Variants in STAG1 observed in about 807,000 individuals in gnomAD.
STAG1 encodes the protein STAG1 cohesin complex component.
STAG1 carries 26 observed loss-of-function variants against 170.9 expected under a neutral mutation model. That is an observed-to-expected ratio of 0.15 (90% CI 0.11 to 0.21). The LOEUF is 0.21. Ranked by LOEUF, STAG1 falls within the 10% of genes least tolerant of loss-of-function variation. The pLI is 1.00. For missense variants in STAG1, 964 were observed against 1,509.5 expected (o/e 0.64, Z 5.99); for synonymous variants, 514 against 497.7 (o/e 1.03, Z -0.44).
chr3:136,744,251 G>C (rs1240435674), intron 1 of STAG1, among the ~76,000 whole-genome samples: 2 of 152,098 alleles, frequency 1.3e-5, no homozygotes, highest in Non-Finnish European at 2.9e-5. Flanking sequence ...TGCTTGAACT[G>C]GGGAAGCAGA....
intron 5 of STAG1, among the ~76,000 whole-genome samples, chr3:136,563,729 T>C (rs1255840878): frequency 1.3e-5 from 2 of 151,244 alleles, no homozygotes; most frequent in African/African-American, 4.9e-5. Flanking sequence ...TAAAAACATA[T>C]CCAGAGAAAG....
At chr3:136,527,169 A>G (rs971588558) in intron 6 of STAG1, among the ~76,000 whole-genome samples, 2 of 152,154 alleles carry the variant, frequency 1.3e-5, no homozygotes, top group African/African-American at 2.4e-5. Flanking sequence ...GTTCTCCTGG[A>G]TAATATCCTG....
chr3:136,608,337 T>C (rs1229948353), intron 3 of STAG1, among the ~76,000 whole-genome samples: 1 of 147,672 alleles, frequency 6.8e-6, no homozygotes, highest in East Asian at 2.0e-4. Flanking sequence ...ATCCCAGGAG[T>C]TCCAGACCAG....
intron 21 of STAG1, among the ~76,000 whole-genome samples, chr3:136,414,457 C>A (rs979242386): frequency 6.6e-6 from 1 of 152,202 alleles, no homozygotes; most frequent in Non-Finnish European, 1.5e-5. Context: ...GAGATAGCAG[C>A]AACTCAGGCA....
intron 5 of STAG1, among the ~76,000 whole-genome samples, chr3:136,560,472 T>C (rs1413101114): frequency 6.6e-6 from 1 of 152,254 alleles, no homozygotes; most frequent in Admixed American, 6.5e-5. Flanking sequence ...TCTGTGTTCT[T>C]AGTTCTCTCA....
chr3:136,750,885 CA>C (rs1935192033), intron 1 of STAG1, among the ~76,000 whole-genome samples: 1 of 152,178 alleles, frequency 6.6e-6, no homozygotes, highest in African/African-American at 2.4e-5. Flanking sequence ...GTTACATTAC[CA>C]TACAATAAAC....
At chr3:136,389,315 TTTAA>T (rs1326287782) in intron 22 of STAG1, among the ~76,000 whole-genome samples, 3 of 152,148 alleles carry the variant, frequency 2.0e-5, no homozygotes, top group African/African-American at 7.2e-5. Context: ...TATTTGCTTA[TTTAA>T]TTTTTTTTGA....
intron 9 of STAG1, among the ~76,000 whole-genome samples, chr3:136,485,521 CATGCGTGGGACAA>C (rs1384042807): frequency 1.3e-5 from 2 of 152,114 alleles, no homozygotes; most frequent in African/African-American, 2.4e-5. Flanking sequence ...TAATACTGAA[CATGCGTGGGACAA>C]GAATATTTCT....
intron 3 of STAG1, among the ~76,000 whole-genome samples, chr3:136,605,236 C>T (rs993504303): frequency 6.6e-6 from 1 of 152,128 alleles, no homozygotes; most frequent in Non-Finnish European, 1.5e-5. Flanking sequence ...AACATTCTTG[C>T]CCTGATGGAG....
Position 136,367,019 on chromosome 3 carries a change from G to A in STAG1, c.2609C>T (p.Ala870Val). 6.2e-7 allele frequency: 1 copy of A among 1,610,878 alleles called. No individual in the cohort carries two copies. The highest frequency in any genetic ancestry group is 8.5e-7 in the Non-Finnish European group (1 of 1,177,764). Reference protein sequence around the residue: ...EALHKRRNLLAAFSKLIIYDI... With the variant: ...EALHKRRNLLVAFSKLIIYDI... ...ATAAATGATAAGTTTGCTGAAAGCAGCAAGTAGATTCCTTCTTTTATGTAA... is the reference window on the plus strand; with the variant it reads ...ATAAATGATAAGTTTGCTGAAAGCAACAAGTAGATTCCTTCTTTTATGTAA... The change falls in exon 25 of 34, where the codon GCT (alanine) becomes GTT (valine). Residue 870 changes from alanine to valine, a missense_variant. Coordinates refer to ENST00000383202, the MANE Select transcript of STAG1 (RefSeq NM_005862.3).
intron 1 of STAG1, among the ~76,000 whole-genome samples, chr3:136,706,428 T>C (rs746071556): frequency 2.6e-5 from 4 of 152,166 alleles, no homozygotes; most frequent in Non-Finnish European, 5.9e-5. Flanking sequence ...ATCAGTTGTG[T>C]TCCTACACAT....
intron 1 of STAG1, among the ~76,000 whole-genome samples, chr3:136,711,633 G>C (rs564105744): frequency 6.6e-6 from 1 of 152,122 alleles, no homozygotes; most frequent in South Asian, 2.1e-4. Context: ...AAATGAGGCA[G>C]TGATATTGGT....
chr3:136,417,136 CT>C (rs1316607940), intron 21 of STAG1, among the ~76,000 whole-genome samples: 8 of 152,142 alleles, frequency 5.3e-5, no homozygotes, highest in Admixed American at 5.2e-4. Context: ...GCGTGAACCA[CT>C]GTGCCCAGCC....
chr3:136,555,281 G>A (rs1936564356), intron 5 of STAG1, among the ~76,000 whole-genome samples: 1 of 151,814 alleles, frequency 6.6e-6, no homozygotes, highest in African/African-American at 2.4e-5. Context: ...GGAGGCTGAG[G>A]CAGGAGAATC....
intron 3 of STAG1, among the ~76,000 whole-genome samples, chr3:136,614,504 T>C (rs1251204599): frequency 6.6e-6 from 1 of 152,202 alleles, no homozygotes; most frequent in South Asian, 2.1e-4. Context: ...ACACAGTAAG[T>C]AATGAATTTC....
At chr3:136,744,467 CA>C (rs2107954788) in intron 1 of STAG1, among the ~76,000 whole-genome samples, 1 of 152,258 alleles carries the variant, frequency 6.6e-6, no homozygotes, top group East Asian at 1.9e-4. Context: ...ACACTGCTGA[CA>C]AAAGTGAGAA....
intron 1 of STAG1, among the ~76,000 whole-genome samples, chr3:136,709,462 G>A (rs1408017311): frequency 6.6e-6 from 1 of 151,794 alleles, no homozygotes; most frequent in Non-Finnish European, 1.5e-5. Context: ...CAATGAAGGG[G>A]CCCAGCTCAC....
intron 6 of STAG1, among the ~76,000 whole-genome samples, chr3:136,523,927 G>A (rs554683356): frequency 6.6e-6 from 1 of 151,504 alleles, no homozygotes; most frequent in Non-Finnish European, 1.5e-5. Flanking sequence ...TTATTTCTGA[G>A]GGCTCTGCTC....
chr3:136,432,770 G>T (rs2088346775), intron 16 of STAG1, among the ~76,000 whole-genome samples: 1 of 152,172 alleles, frequency 6.6e-6, no homozygotes, highest in Non-Finnish European at 1.5e-5. Flanking sequence ...CCTCATAAGT[G>T]CTAGGATTAC....
Sources: gnomAD v4.1 joint callset for allele counts (sites outside exome capture counted in the v4.1 genomes callset) on GRCh38, gnomAD v4.1.1 for gene constraint, MANE v1.5 for transcripts, NCBI Gene and HGNC (gene_info 2026-07-23, HGNC 2026-07-21) for gene names.